The following RORB variants were observed in gnomAD, a reference collection of about 807,000 sequenced individuals.
RORB encodes RAR related orphan receptor B.
Under a neutral mutation model 59.1 loss-of-function variants are expected in RORB, and 6 were observed. That is an observed-to-expected ratio of 0.10 (90% CI 0.06 to 0.20). The LOEUF is 0.20. RORB is among the 10% of genes least tolerant of loss of function. The probability of loss-of-function intolerance (pLI) is 1.00; values close to 1 mark genes in which losing one functional copy is unlikely to be tolerated. For synonymous variants in RORB, 215 were observed against 204.5 expected (o/e 1.05, Z -0.44); for missense variants, 320 against 560.5 (o/e 0.57, Z 4.33).
intron 1 of RORB, among the ~76,000 whole-genome samples, chr9:74,607,262 T>A (rs920471269): frequency 6.6e-6 from 1 of 152,186 alleles, no homozygotes; most frequent in Admixed American, 6.5e-5. Context: ...TGTTATCAAT[T>A]TCTTTGTCTA....
At chr9:74,517,366 A>G (rs939286422) in intron 1 of RORB, among the ~76,000 whole-genome samples, 14 of 152,046 alleles carry the variant, frequency 9.2e-5, no homozygotes, top group Non-Finnish European at 1.5e-4. Flanking sequence ...AACTTGCACT[A>G]TACTCGGTCC....
chr9:74,606,829 CAG>C (rs1234187893), intron 1 of RORB, among the ~76,000 whole-genome samples: 1 of 152,116 alleles, frequency 6.6e-6, no homozygotes, highest in East Asian at 1.9e-4. Flanking sequence ...AGAAAAGAAA[CAG>C]ACTGAGATCT....
Position 74,685,558 on chromosome 9 carries a change from A to C in RORB, c.1320A>C (p.Thr440=), listed in dbSNP as rs188653695. ...AATCTCATCCAGAGATAGTGAATAC[A>C]CTGTTTCCTCCGTTATACAAGGAGC... ...FKQSHPEIVN[T]LFPPLYKELF... is the part of the protein sequence containing the mutation. The change falls in exon 10 of 10, where the codon ACA becomes ACC. Residue 440 remains threonine (T), a synonymous_variant. Coordinates refer to ENST00000376896, the MANE Select transcript of RORB (RefSeq NM_006914.4). 6.2e-5 allele frequency: 100 copies of C among 1,613,024 alleles called. No individual in the cohort carries two copies. The highest frequency in any genetic ancestry group is 4.2e-6 in the Non-Finnish European group (5 of 1,179,178).
chr9:74,531,820 CT>C (rs936483917), intron 1 of RORB, among the ~76,000 whole-genome samples: 4 of 151,848 alleles, frequency 2.6e-5, no homozygotes, highest in African/African-American at 9.6e-5. Flanking sequence ...TTACATGAGA[CT>C]TTTTTTTATA....
At chr9:74,614,322 G>T (rs1271255077) in intron 1 of RORB, among the ~76,000 whole-genome samples, 8 of 152,028 alleles carry the variant, frequency 5.3e-5, no homozygotes, top group African/African-American at 1.9e-4. Context: ...TTATACCTTT[G>T]TGTATGTTAT....
intron 1 of RORB, among the ~76,000 whole-genome samples, chr9:74,593,879 G>T (rs1163591898): frequency 6.6e-6 from 1 of 152,184 alleles, no homozygotes; most frequent in African/African-American, 2.4e-5. Flanking sequence ...TACCTCAAAA[G>T]ACCTAGGTCT....
chr9:74,546,934 A>G (rs1378486394), intron 1 of RORB, among the ~76,000 whole-genome samples: 1 of 152,098 alleles, frequency 6.6e-6, no homozygotes, highest in Non-Finnish European at 1.5e-5. Context: ...CTCTACTAAA[A>G]ATACAAAAAA....
intron 1 of RORB, among the ~76,000 whole-genome samples, chr9:74,538,219 A>G (rs1826350504): frequency 6.6e-6 from 1 of 152,102 alleles, no homozygotes. Flanking sequence ...AGACTTGTGT[A>G]AGTACACTCT....
chr9:74,534,007 G>T (rs534651559), intron 1 of RORB, among the ~76,000 whole-genome samples: 1 of 151,990 alleles, frequency 6.6e-6, no homozygotes, highest in Non-Finnish European at 1.5e-5. Flanking sequence ...CAGGATAGCC[G>T]TTCTATGACG....
intron 1 of RORB, among the ~76,000 whole-genome samples, chr9:74,523,268 C>T (rs939080078): frequency 6.6e-6 from 1 of 151,304 alleles, no homozygotes; most frequent in Non-Finnish European, 1.5e-5. Context: ...CGTCTTGTTT[C>T]CCTCTTTTTC....
At chr9:74,678,511 A>T (rs1198090505) in intron 9 of RORB, among the ~76,000 whole-genome samples, 2 of 152,234 alleles carry the variant, frequency 1.3e-5, no homozygotes, top group Admixed American at 6.5e-5. Flanking sequence ...AGCTTAAAAG[A>T]TAGAAGGCTT....
At chr9:74,628,302 T>C (rs970469666) in intron 1 of RORB, among the ~76,000 whole-genome samples, 2 of 152,236 alleles carry the variant, frequency 1.3e-5, no homozygotes, top group African/African-American at 4.8e-5. Context: ...TTGTCTCTTC[T>C]GTTTTTTTAT....
intron 4 of RORB, among the ~76,000 whole-genome samples, chr9:74,657,344 C>T (rs944128853): frequency 4.6e-5 from 7 of 152,146 alleles, no homozygotes; most frequent in African/African-American, 7.2e-5. Flanking sequence ...GGATTACAGG[C>T]GTGAGCCACT....
At chr9:74,613,021 A>G (rs1272024637) in intron 1 of RORB, among the ~76,000 whole-genome samples, 1 of 152,254 alleles carries the variant, frequency 6.6e-6, no homozygotes, top group African/African-American at 2.4e-5. Flanking sequence ...TGTGAGCTTC[A>G]TCACATTTAT....
intron 4 of RORB, among the ~76,000 whole-genome samples, chr9:74,653,560 G>C (rs915692770): frequency 6.6e-6 from 1 of 152,064 alleles, no homozygotes; most frequent in Non-Finnish European, 1.5e-5. Flanking sequence ...GAGGAGGTGG[G>C]AGCTGAGAAT....
At chr9:74,597,635 TA>T (rs60070143) in intron 1 of RORB, among the ~76,000 whole-genome samples, 118,638 of 152,018 alleles carry the variant, frequency 0.78, 46,663 homozygotes, top group East Asian at 0.92. Context: ...AAATATAGTA[TA>T]AAAAAAAGAA....
intron 1 of RORB, among the ~76,000 whole-genome samples, chr9:74,566,092 T>A (rs935288912): frequency 1.3e-5 from 2 of 152,304 alleles, no homozygotes; most frequent in South Asian, 2.1e-4. Flanking sequence ...CAATGGTAAA[T>A]CTGCTTCCTT....
At chr9:74,595,648 T>G (rs1822958817) in intron 1 of RORB, among the ~76,000 whole-genome samples, 1 of 152,236 alleles carries the variant, frequency 6.6e-6, no homozygotes, top group Non-Finnish European at 1.5e-5. Context: ...AGAATTGTTT[T>G]GCCGGTTTAC....
intron 8 of RORB, among the ~76,000 whole-genome samples, chr9:74,668,133 A>G (rs1219194438): frequency 6.6e-6 from 1 of 152,226 alleles, no homozygotes; most frequent in African/African-American, 2.4e-5. Context: ...GTTATTCCAG[A>G]TTCAGATACG....
Sources: allele counts gnomAD v4.1 joint callset (sites outside exome capture counted in the v4.1 genomes callset), GRCh38; gene constraint gnomAD v4.1.1; transcripts MANE v1.5; gene names NCBI Gene and HGNC (gene_info 2026-07-23, HGNC 2026-07-21).